Variants in LDLRAD3 observed in about 807,000 individuals in gnomAD.
The protein encoded by LDLRAD3 is low density lipoprotein receptor class A domain containing 3.
A neutral mutation model predicts 29.4 loss-of-function variants in LDLRAD3; 20 were observed. The ratio of observed to expected loss-of-function variants is 0.68; its 90% confidence interval spans 0.48 to 0.99. The LOEUF is 0.99. Among genes scored for constraint, LDLRAD3 ranks in the 50% least tolerant of loss-of-function variants. LDLRAD3 has a pLI of 0.00. For synonymous variants in LDLRAD3, 157 were observed against 192.7 expected (o/e 0.81, Z 1.53); for missense variants, 420 against 454.3 (o/e 0.92, Z 0.69).
chr11:36,009,049 T>C (rs1209000372), intron 1 of LDLRAD3, among the ~76,000 whole-genome samples: 1 of 152,144 alleles, frequency 6.6e-6, no homozygotes, highest in Non-Finnish European at 1.5e-5. Context: ...TATTTTTTTC[T>C]CTCTTCTCCA....
rs59493684 is a variant in LDLRAD3 at position 36,069,637 on chromosome 11, C to CT, written c.194-12004dup. On this transcript the variant is annotated intron_variant, in intron 2 of 5. Coordinates refer to ENST00000315571, the MANE Select transcript of LDLRAD3 (RefSeq NM_174902.4). ...GCACATTTTTTTATGAGAAATAGGG[C>CT]TTTTTTTTTTTTAATTAATGAAAAG... Among the ~76,000 whole-genome samples the CT allele has an allele frequency of 9.1e-3, 1,317 of 144,866 alleles. 11 individuals are homozygous for CT. Among genetic ancestry groups the CT allele is most frequent in the African/African-American group, 0.02 (800 of 39,736 alleles).
chr11:35,966,765 T>C (rs986087021), intron 1 of LDLRAD3, among the ~76,000 whole-genome samples: 6 of 152,166 alleles, frequency 3.9e-5, no homozygotes, highest in Non-Finnish European at 7.3e-5. Flanking sequence ...AAATACAATA[T>C]CAGAAAGGGT....
chr11:36,223,190 A>T (rs962879951), intron 4 of LDLRAD3, among the ~76,000 whole-genome samples: 1 of 152,168 alleles, frequency 6.6e-6, no homozygotes, highest in African/African-American at 2.4e-5. Flanking sequence ...GCAACATCAT[A>T]ATTTCTCAGG....
At position 36,156,244 on chromosome 11, in the gene LDLRAD3, A is replaced by G. The variant is rs571431819; in HGVS notation, c.454+57783A>G. On this transcript the variant is annotated intron_variant, in intron 4 of 5. Transcript: ENST00000315571. Reference sequence around the variant, plus strand: ...GTTGGCAGTCTTGGTTGAGGCTTCAAGATTGAATCCAAAGCAGCTTGTGAT... The same window carrying G: ...GTTGGCAGTCTTGGTTGAGGCTTCAGGATTGAATCCAAAGCAGCTTGTGAT... 2.0e-4 allele frequency among the ~76,000 whole-genome samples: 30 copies of G among 152,346 alleles called. No individual in the cohort carries two copies. The South Asian group carries it at 5.6e-3, about 28-fold the overall frequency.
At chr11:36,144,654 A>C in intron 4 of LDLRAD3, among the ~76,000 whole-genome samples, 1 of 69,108 alleles carries the variant, frequency 1.4e-5, no homozygotes, top group South Asian at 5.1e-4. Context: ...TCCGCCCGGC[A>C]GCCACACCGT....
intron 2 of LDLRAD3, among the ~76,000 whole-genome samples, chr11:36,074,926 G>A (rs1457195111): frequency 6.6e-6 from 1 of 152,140 alleles, no homozygotes; most frequent in African/African-American, 2.4e-5. Flanking sequence ...AACGCAGCAG[G>A]CCTGACTGCT....
intron 3 of LDLRAD3, among the ~76,000 whole-genome samples, chr11:36,094,762 C>T (rs760748576): frequency 2.4e-4 from 36 of 152,184 alleles, no homozygotes; most frequent in Non-Finnish European, 4.3e-4. Flanking sequence ...GTCTTGACCT[C>T]CTGACCTCAA....
chr11:35,995,634 C>A (rs11033365), intron 1 of LDLRAD3, among the ~76,000 whole-genome samples: 6,453 of 152,284 alleles, frequency 0.042, 445 homozygotes, highest in African/African-American at 0.15. Context: ...ATATGAAAGT[C>A]CTGGATGGCA....
At chr11:35,967,893 G>A in intron 1 of LDLRAD3, 1 of 391,322 alleles carries the variant, frequency 2.6e-6, no homozygotes. Context: ...TGTACCAGGT[G>A]GGGTGATGTC....
At chr11:36,066,171 T>C (rs1852789390) in intron 2 of LDLRAD3, among the ~76,000 whole-genome samples, 1 of 151,776 alleles carries the variant, frequency 6.6e-6, no homozygotes, top group Admixed American at 6.6e-5. Context: ...TTTTTTTTTT[T>C]TTTCTTACTT....
At chr11:35,958,824 A>G (rs1293771856) in intron 1 of LDLRAD3, among the ~76,000 whole-genome samples, 1 of 152,072 alleles carries the variant, frequency 6.6e-6, no homozygotes, top group African/African-American at 2.4e-5. Context: ...GGTGGAAAAA[A>G]GACTGAAAAC....
intron 1 of LDLRAD3, among the ~76,000 whole-genome samples, chr11:35,981,915 G>A (rs1851547422): frequency 6.6e-6 from 1 of 152,170 alleles, no homozygotes; most frequent in South Asian, 2.1e-4. Context: ...ACTAAAGGAC[G>A]ATTCCTTCTT....
intron 3 of LDLRAD3, among the ~76,000 whole-genome samples, chr11:36,088,927 C>T (rs919097738): frequency 2.0e-5 from 3 of 152,156 alleles, no homozygotes; most frequent in Non-Finnish European, 2.9e-5. Context: ...CCCCTCTCCT[C>T]CCCAGTCTCA....
chr11:36,153,220 G>A, intron 4 of LDLRAD3, among the ~76,000 whole-genome samples: 1 of 152,112 alleles, frequency 6.6e-6, no homozygotes. Flanking sequence ...ACTCTGAGTT[G>A]TAGATGTGGT....
chr11:35,961,796 G>A (rs1463108495), intron 1 of LDLRAD3, among the ~76,000 whole-genome samples: 2 of 152,054 alleles, frequency 1.3e-5, no homozygotes, highest in Non-Finnish European at 2.9e-5. Flanking sequence ...TATTTACGGG[G>A]TACATGAGAT....
At chr11:36,092,404 A>G (rs1212841594) in intron 3 of LDLRAD3, among the ~76,000 whole-genome samples, 5 of 152,194 alleles carry the variant, frequency 3.3e-5, no homozygotes, top group Non-Finnish European at 7.3e-5. Flanking sequence ...TCAGCTGTCC[A>G]TTACTCAAGT....
intron 4 of LDLRAD3, among the ~76,000 whole-genome samples, chr11:36,152,938 A>G (rs929083639): frequency 2.0e-5 from 3 of 152,168 alleles, no homozygotes; most frequent in African/African-American, 4.8e-5. Context: ...GGAAGCTTTC[A>G]GTCAAGGGTA....
rs192123671 is a variant in LDLRAD3 at position 36,025,799 on chromosome 11, G to C, written c.47-10304G>C. Among the ~76,000 whole-genome samples the C allele has an allele frequency of 1.7e-4, 18 of 108,334 alleles. No individual in the cohort carries two copies. The East Asian group carries it at 5.0e-3, about 30-fold the overall frequency. 71.1% of individuals were successfully genotyped at this position (108,334 alleles called of 152,430 possible). On this transcript the variant is annotated intron_variant, in intron 1 of 5. Transcript: ENST00000315571. ...ATTTTTTTTTTTTTTTTTTTTTTGA[G>C]ATGGAGTTTCGCTCTTGTTGCCCAG...
intron 4 of LDLRAD3, among the ~76,000 whole-genome samples, chr11:36,187,124 T>A (rs568704194): frequency 6.6e-6 from 1 of 152,212 alleles, no homozygotes; most frequent in South Asian, 2.1e-4. Flanking sequence ...TGGCTTCCTA[T>A]TACCTTTACT....
Sources: allele counts gnomAD v4.1 joint callset (sites outside exome capture counted in the v4.1 genomes callset), GRCh38; gene constraint gnomAD v4.1.1; transcripts MANE v1.5; gene names NCBI Gene and HGNC (gene_info 2026-07-23, HGNC 2026-07-21).